The following STK11IP variants were observed in gnomAD, a reference collection of about 807,000 sequenced individuals.
STK11IP encodes the protein serine/threonine kinase 11 interacting protein.
Under a neutral mutation model 131.7 loss-of-function variants are expected in STK11IP, and 103 were observed. The observed-to-expected ratio is 0.78, with a 90% CI of 0.67 to 0.92. STK11IP has a LOEUF of 0.92. STK11IP is among the 40% of genes least tolerant of loss of function. The probability of loss-of-function intolerance (pLI) is 0.00; values close to 1 mark genes in which losing one functional copy is unlikely to be tolerated. For synonymous variants in STK11IP, 557 were observed against 575.6 expected (o/e 0.97, Z 0.46); for missense variants, 1,315 against 1,385.7 (o/e 0.95, Z 0.81).
chr2:219,608,891 C>T, intron 15 of STK11IP, 103 bp downstream of exon 15: 2 of 1,322,372 alleles, frequency 1.5e-6, no homozygotes, highest in Non-Finnish European at 2.0e-6. Context: ...CTCCTTGGCA[C>T]TAGGAGCCGA....
rs756114545 is a variant in STK11IP at position 219,616,120 on chromosome 2, G to C, written c.3194G>C (p.Arg1065Pro). 1 of 1,613,816 alleles carries C rather than the reference G, an allele frequency of 6.2e-7. No individual in the cohort carries two copies. Among genetic ancestry groups the C allele is most frequent in the East Asian group, 2.2e-5 (1 of 44,874 alleles). ...CTGACAGCCCTGCTTGCCTGGATCC[G>C]GGAACCATGGGAGGAGCTGTTTTCC... ...EQLTALLAWIREPWEELFSIG... is the reference protein window; with the variant it reads ...EQLTALLAWIPEPWEELFSIG... The change falls in exon 25 of 25, where the codon CGG becomes CCG. Residue 1065 changes from arginine (R) to proline (P), a missense_variant. By Grantham distance (103) the Arg-to-Pro change is moderately radical. Transcript: ENST00000456909.
chr2:219,605,917 C>T (rs1274778731), intron 8 of STK11IP, 39 bp from the exon 9 acceptor site: 1 of 1,536,760 alleles, frequency 6.5e-7, no homozygotes, highest in Non-Finnish European at 8.9e-7. Context: ...TGCGTGTACT[C>T]ATCCACATGC....
rs750949611 is a variant in STK11IP, at chr2:219,607,157, C to G, written c.1219+20C>G. On this transcript the variant is annotated intron_variant, in intron 13 of 24. Coordinates refer to ENST00000456909, the MANE Select transcript of STK11IP (RefSeq NM_052902.4). ...CGGCTGGTAAGTCAGCTTCATCCCA[C>G]TAACCTCTCTCGTCCCCAGCGAGCT... 6.2e-7 allele frequency: 1 copy of G among 1,611,750 alleles called. No homozygotes were observed. Among genetic ancestry groups the G allele is most frequent in the Non-Finnish European group, 8.5e-7 (1 of 1,177,952 alleles).
chr2:219,602,806 A>G (rs1698033953), intron 7 of STK11IP, 30 bp downstream of exon 7: 1 of 1,591,360 alleles, frequency 6.3e-7, no homozygotes, highest in Non-Finnish European at 8.6e-7. Context: ...CAGCTGGCAC[A>G]CCATGGGTCT....
intron 7 of STK11IP, among the ~76,000 whole-genome samples, chr2:219,604,075 T>C (rs756519251): frequency 1.5e-4 from 23 of 152,146 alleles, no homozygotes; most frequent in Non-Finnish European, 2.4e-4. Flanking sequence ...CCACAGAGAC[T>C]GGGAGATGGG....
At position 219,602,598 on chromosome 2, in the gene STK11IP, G is replaced by C. The variant is rs199889906; in HGVS notation, c.546+23G>C. 4.4e-4 allele frequency: 714 copies of C among 1,612,928 alleles called. 3 individuals are homozygous for C. In the African/African-American group the frequency reaches 7.6e-3, roughly 17 times the overall value. ...CTGGTGAGTGCCTCAGAGGGAAGAG[G>C]GTTTCGAGGAAGGGCAAGGCCAGGC... On this transcript the variant is annotated intron_variant, in intron 6 of 24. Coordinates refer to ENST00000456909, the MANE Select transcript of STK11IP (RefSeq NM_052902.4).
intron 19 of STK11IP, among the ~76,000 whole-genome samples, 181 bp downstream of exon 19, chr2:219,612,239 G>A (rs1041444725): frequency 6.6e-6 from 1 of 152,188 alleles, no homozygotes; most frequent in African/African-American, 2.4e-5. Flanking sequence ...CCCAGTTGTT[G>A]CCTGTCTGCA....
intron 13 of STK11IP, among the ~76,000 whole-genome samples, chr2:219,607,655 C>A (rs1170280694): frequency 2.0e-5 from 3 of 151,112 alleles, no homozygotes; most frequent in African/African-American, 7.3e-5. Context: ...AAGACCTTAT[C>A]TCTTAAAAAA....
intron 23 of STK11IP, 94 bp downstream of exon 23, chr2:219,614,640 C>A: frequency 8.1e-7 from 1 of 1,230,858 alleles, no homozygotes; most frequent in Non-Finnish European, 1.2e-6. Context: ...AGTGCCCTTG[C>A]AGCAACTGTC....
Position 219,602,741 on chromosome 2 carries a change from C to T in STK11IP, c.583C>T (p.His195Tyr), listed in dbSNP as rs775320238. 5.6e-6 allele frequency: 9 copies of T among 1,612,806 alleles called. No homozygotes were observed. The East Asian group carries it at 1.8e-4, about 32-fold the overall frequency. Residue 195 changes from histidine (H) to tyrosine (Y), a missense_variant, in exon 7 of 25, where the codon CAC becomes TAC. His to Tyr is a moderately conservative substitution (Grantham distance 83). Coordinates refer to ENST00000456909, the MANE Select transcript of STK11IP (RefSeq NM_052902.4). ...AGCTCTGCGTTTCTTGAACCTAAGC[C>T]ACAATCAAGTCCAGGACTGTCAGGG... ...LSALRFLNLS[H>Y]NQVQDCQGFL...
At chr2:219,599,667 G>A (rs534396889) in intron 2 of STK11IP, among the ~76,000 whole-genome samples, 3 of 152,262 alleles carry the variant, frequency 2.0e-5, no homozygotes, top group East Asian at 3.9e-4. Flanking sequence ...TCTTGATTGC[G>A]TGGCTGCAGG....
At chr2:219,609,311 G>A in intron 16 of STK11IP, 52 bp from the exon 17 acceptor site, 2 of 1,596,372 alleles carry the variant, frequency 1.3e-6, no homozygotes, top group Non-Finnish European at 8.5e-7. Context: ...TGTGGGAGGT[G>A]TCCGTCTGGG....
intron 24 of STK11IP, chr2:219,615,763 G>C (rs1285325067): frequency 1.5e-6 from 1 of 671,302 alleles, no homozygotes; most frequent in South Asian, 1.5e-5. Flanking sequence ...AAGTGGTGGA[G>C]CCGGGAATTG....
Position 219,608,432 on chromosome 2 carries a change from T to C in STK11IP, c.1603+2T>C. The stretch of plus-strand genomic sequence containing the variant: ...AGCAGGACCAGAAGGAAGTGGAAGG[T>C]GAGCCCTTTGTGGGCTGGGGCGAGC... On this transcript the variant is annotated splice_donor_variant, in intron 14 of 24. Transcript: ENST00000456909. LOFTEE classifies it high-confidence loss of function. The C allele has an allele frequency of 6.4e-7, 1 of 1,553,992 alleles. No individual in the cohort carries two copies. Among genetic ancestry groups the C allele is most frequent in the Non-Finnish European group, 8.7e-7 (1 of 1,149,604 alleles).
Position 219,612,118 on chromosome 2 carries a change from T to A in STK11IP, c.2439+60T>A, listed in dbSNP as rs1210437901. On this transcript the variant is annotated intron_variant, in intron 19 of 24. Transcript: ENST00000456909. Reference sequence around the variant, plus strand: ...TGTCCAGGGTGCCCACTCGTTTCCATCACAGCCAACTGAGTCAGATCAAGC... The same window carrying A: ...TGTCCAGGGTGCCCACTCGTTTCCAACACAGCCAACTGAGTCAGATCAAGC... 4 of 1,478,902 alleles carry A rather than the reference T, an allele frequency of 2.7e-6. No homozygotes were observed. The Admixed American group carries it at 5.9e-5, about 22-fold the overall frequency. The allele number at this position is 1,478,902 out of a possible 1,614,324, so 91.6% of individuals were successfully genotyped here.
chr2:219,606,133 T>G, intron 9 of STK11IP, 62 bp from the exon 10 acceptor site: 2 of 1,542,506 alleles, frequency 1.3e-6, no homozygotes, highest in Non-Finnish European at 1.8e-6. Flanking sequence ...GGTCAGTGCC[T>G]TCTTCACACA....
At chr2:219,601,916 A>G (rs939958649) in intron 4 of STK11IP, 72 bp from the exon 5 acceptor site, 28 of 1,403,944 alleles carry the variant, frequency 2.0e-5, no homozygotes, top group Non-Finnish European at 2.7e-5. Context: ...CCTCCTCCCA[A>G]CTAGGGGATG....
intron 12 of STK11IP, 49 bp from the exon 13 acceptor site, chr2:219,607,004 G>A (rs752033552): frequency 6.2e-7 from 1 of 1,609,230 alleles, no homozygotes; most frequent in East Asian, 2.2e-5. Flanking sequence ...GTGGATGGCA[G>A]GGCTGGAGGC....
At chr2:219,605,846 C>T in intron 8 of STK11IP, 110 bp from the exon 9 acceptor site, 1 of 1,485,780 alleles carries the variant, frequency 6.7e-7, no homozygotes, top group Non-Finnish European at 9.2e-7. Flanking sequence ...ATGGGGAGTG[C>T]AGGGGTGCTC....
Sources: allele counts gnomAD v4.1 joint callset (sites outside exome capture counted in the v4.1 genomes callset), GRCh38; gene constraint gnomAD v4.1.1; transcripts MANE v1.5; gene names NCBI Gene and HGNC (gene_info 2026-07-23, HGNC 2026-07-21).